HMCN2: variants seen among roughly 807,000 people sequenced by gnomAD.
HMCN2 encodes hemicentin 2, also known as hemicentin-2.
Under a neutral mutation model 377.5 loss-of-function variants are expected in HMCN2, and 325 were observed. The ratio of observed to expected loss-of-function variants is 0.86; its 90% CI spans 0.79 to 0.94. HMCN2 has a LOEUF of 0.94. Among genes scored for constraint, HMCN2 ranks in the 40% least tolerant of loss-of-function variants. The probability of loss-of-function intolerance (pLI) is 0.00; values close to 1 mark genes in which losing one functional copy is unlikely to be tolerated. For missense variants in HMCN2, 4,543 were observed against 4,725.3 expected, an observed-to-expected ratio of 0.96 and a Z score of 1.13; for synonymous variants, 2,007 against 2,046.8, an observed-to-expected ratio of 0.98 and a Z score of 0.53.
In HMCN2 at chr9:130,394,543, G is replaced by A. The variant is rs556628245; in HGVS notation, c.10660G>A (p.Ala3554Thr). The change falls in exon 69 of 98, where the codon GCC (alanine) becomes ACC (threonine). Residue 3554 changes from alanine (A) to threonine (T), a missense_variant. Transcript: ENST00000683500. This position sits in a 1 kb window ranked among gnomAD's most constrained non-coding sequence, Gnocchi z 5.1. ...ALTRLENNSR[A>T]TRVLRVENVQ... ...GACCAGGCTGGAGAACAACAGCAGA[G>A]CCACACGGGTGCTCCGGGTGGAGAA... The A allele has an allele frequency of 2.3e-6, 3 of 1,289,368 alleles. No homozygotes were observed. The highest frequency in any genetic ancestry group is 1.1e-4 in the East Asian group (2 of 18,012). The allele number at this position is 1,289,368 out of a possible 1,614,324, so 79.9% of individuals were successfully genotyped here.
At chr9:130,403,646 A>G (rs1195243571) in intron 79 of HMCN2, 95 bp from the exon 80 acceptor site, 2 of 1,189,248 alleles carry the variant, frequency 1.7e-6, no homozygotes, top group African/African-American at 3.2e-5. Flanking sequence ...CCAGCAAGTC[A>G]TTTGCTGCCT....
At position 130,358,498 on chromosome 9, in the gene HMCN2, G is replaced by C; in HGVS notation, c.5677+12G>C. ...GCTGAAAGTTTTGGGTGAGGACGTG[G>C]GTAACCAGCAGGGCCCAGGCCAGCA... On this transcript the variant is annotated intron_variant, in intron 36 of 97. Transcript: ENST00000683500. 1 of 1,304,386 alleles carries C rather than the reference G, an allele frequency of 7.7e-7. No individual in the cohort carries two copies. The highest frequency in any genetic ancestry group is 1.0e-6 in the Non-Finnish European group (1 of 988,976). The allele number at this position is 1,304,386 out of a possible 1,614,324, so 80.8% of individuals were successfully genotyped here.
Position 130,422,964 on chromosome 9 carries a change from A to G in HMCN2, c.13381+238A>G, listed in dbSNP as rs1199272202. Reference sequence around the variant, plus strand: ...CCAAAAACAAAGGAACTGCATTTACAGTCAGACCAAGAGTGTGTGAAACGG... The same window carrying G: ...CCAAAAACAAAGGAACTGCATTTACGGTCAGACCAAGAGTGTGTGAAACGG... On this transcript the variant is annotated intron_variant, in intron 87 of 97. Transcript: ENST00000683500. The surrounding 1 kb of genome is among the most constrained non-coding windows in gnomAD (Gnocchi z 4.2). 6.6e-6 allele frequency among the ~76,000 whole-genome samples: 1 copy of G among 152,214 alleles called. No homozygotes were observed. The highest frequency in any genetic ancestry group is 1.5e-5 in the Non-Finnish European group (1 of 68,038).
chr9:130,407,866 C>T (rs1193536030), intron 83 of HMCN2, among the ~76,000 whole-genome samples, 161 bp downstream of exon 83: 1 of 152,190 alleles, frequency 6.6e-6, no homozygotes, highest in Non-Finnish European at 1.5e-5. Context: ...TTCTGAAGTC[C>T]AAGTTCTACT....
intron 47 of HMCN2, among the ~76,000 whole-genome samples, chr9:130,372,725 C>G (rs1485021353): frequency 1.3e-5 from 2 of 152,220 alleles, no homozygotes; most frequent in South Asian, 2.1e-4. Context: ...GACAAGAAAC[C>G]TCTGTTCTCA....
rs1387018061 is a variant in HMCN2, at chr9:130,360,701, C to T, written c.5950+97C>T. 1 of 598,504 alleles carries T rather than the reference C, an allele frequency of 1.7e-6. No individual in the cohort carries two copies. The highest frequency in any genetic ancestry group is 2.5e-6 in the Non-Finnish European group (1 of 396,242). The allele number at this position is 598,504 out of a possible 1,614,324, so 37.1% of individuals were successfully genotyped here. On this transcript the variant is annotated intron_variant, in intron 38 of 97. Transcript: ENST00000683500. This position sits in a 1 kb window ranked among gnomAD's most constrained non-coding sequence, Gnocchi z 4.7. ...TCCATCCACCTGTCCACTCATCCATCCATCTACCACCCCATCCATCCGTTA... is the reference window on the plus strand; with the variant it reads ...TCCATCCACCTGTCCACTCATCCATTCATCTACCACCCCATCCATCCGTTA...
intron 22 of HMCN2, among the ~76,000 whole-genome samples, chr9:130,327,708 G>A (rs944218871): frequency 0.1 from 15,854 of 152,218 alleles, 914 homozygotes; most frequent in Middle Eastern, 0.15. Flanking sequence ...TAACATGCAC[G>A]GGGCATTGCC....
rs1342814504 is a variant in HMCN2, at chr9:130,308,541, C to T, written c.2200+975C>T. Among the ~76,000 whole-genome samples the T allele has an allele frequency of 6.6e-6, 1 of 152,134 alleles. No individual in the cohort carries two copies. Among genetic ancestry groups the T allele is most frequent in the African/African-American group, 2.4e-5 (1 of 41,424 alleles). The stretch of plus-strand genomic sequence containing the variant: ...TACTGTCCCCTCCCATTCCTTGCAG[C>T]AGCTGCCTGGGACCTCATCAGAGCC... On this transcript the variant is annotated intron_variant, in intron 14 of 97. Coordinates refer to ENST00000683500, the MANE Select transcript of HMCN2 (RefSeq NM_001291815.2). The surrounding 1 kb of genome is among the most constrained non-coding windows in gnomAD (Gnocchi z 4.1).
chr9:130,355,116 C>A, intron 32 of HMCN2, 72 bp downstream of exon 32: 1 of 1,163,812 alleles, frequency 8.6e-7, no homozygotes. Flanking sequence ...CGTGCTTGTC[C>A]CGAGAGAGCT....
In HMCN2 at chr9:130,394,098, G is replaced by A; in HGVS notation, c.10501+90G>A. 8.8e-7 allele frequency: 1 copy of A among 1,132,128 alleles called. No individual in the cohort carries two copies. Among genetic ancestry groups the A allele is most frequent in the Non-Finnish European group, 1.1e-6 (1 of 891,546 alleles). The allele number at this position is 1,132,128 out of a possible 1,614,324, so 70.1% of individuals were successfully genotyped here. A position where few individuals can be genotyped will look rare whatever the true frequency, so the allele number is the denominator to read the frequency against. ...ATGGGAAGGACAGTGAGGGAGGTGA[G>A]TCCCCTGGAGACCTGGGACTGCCAC... On this transcript the variant is annotated intron_variant, in intron 68 of 97. Coordinates refer to ENST00000683500, the MANE Select transcript of HMCN2 (RefSeq NM_001291815.2). The surrounding 1 kb of genome is among the most constrained non-coding windows in gnomAD (Gnocchi z 5.1).
intron 71 of HMCN2, 36 bp from the exon 72 acceptor site, chr9:130,395,888 T>C: frequency 7.9e-7 from 1 of 1,269,144 alleles, no homozygotes; most frequent in South Asian, 1.3e-5. Flanking sequence ...AGCTGGGCAC[T>C]GATAAGGGTC....
chr9:130,297,512 A>G (rs1836236541), intron 7 of HMCN2, among the ~76,000 whole-genome samples: 1 of 152,234 alleles, frequency 6.6e-6, no homozygotes, highest in Non-Finnish European at 1.5e-5. Context: ...GGGAAAATAT[A>G]GTCCCTGCCA....
At chr9:130,384,576 G>A (rs1841913354) in intron 58 of HMCN2, 42 bp downstream of exon 58, 2 of 1,303,692 alleles carry the variant, frequency 1.5e-6, no homozygotes, top group South Asian at 1.2e-5. Flanking sequence ...AAGGTTACAT[G>A]GGGAGAGAGT....
rs1462540372 is a variant in HMCN2, at chr9:130,373,058, G to A, written c.7372G>A (p.Glu2458Lys). The change falls in exon 48 of 98, where the codon GAG (glutamate) becomes AAG (lysine). Residue 2458 changes from glutamate (E) to lysine (K), a missense_variant. Glu to Lys is a moderately conservative substitution (Grantham distance 56, BLOSUM62 1). Transcript: ENST00000683500. The part of the protein sequence containing the change: ...EVLVPPSIEN[E>K]DLEEVIKVLD... ...CCCAGTTCCTCCCAGTATTGAGAAC[G>A]AGGACTTGGAGGAGGTGATCAAGGT... 2 of 957,132 alleles carry A rather than the reference G, an allele frequency of 2.1e-6. No individual in the cohort carries two copies. The highest frequency in any genetic ancestry group is 1.3e-4 in the East Asian group (1 of 7,450). The allele number at this position is 957,132 out of a possible 1,614,324, so 59.3% of individuals were successfully genotyped here.
chr9:130,403,470 C>G, intron 79 of HMCN2, 142 bp downstream of exon 79: 1 of 968,776 alleles, frequency 1.0e-6, no homozygotes, highest in East Asian at 6.2e-5. Context: ...CAGATACGCC[C>G]CCACCCTTGC....
intron 19 of HMCN2, among the ~76,000 whole-genome samples, chr9:130,325,139 A>C (rs1838067751): frequency 1.5e-5 from 2 of 134,536 alleles, no homozygotes; most frequent in South Asian, 4.6e-4. Context: ...TATGTCTCCC[A>C]GGCTGAAGTA....
In HMCN2 at chr9:130,425,030, A is replaced by G. The variant is rs532851527; in HGVS notation, c.13541A>G (p.Gln4514Arg). The change falls in exon 89 of 98, where the codon CAG (glutamine) becomes CGG (arginine). Residue 4514 changes from glutamine to arginine, a missense_variant. Gln to Arg is a conservative substitution (Grantham distance 43). Around this residue, in one of 5 missense-constraint regions of HMCN2, gnomAD observed 1,155 missense variants for 1,157.7 expected, o/e 1.00. Coordinates refer to ENST00000683500, the MANE Select transcript of HMCN2 (RefSeq NM_001291815.2). ...FATGELLTMT[Q>R]VARGLDPDGL... ...GCAGGGGAGCTGCTCACGATGACCC[A>G]GGTGGCCCGGGGTCTGGATCCCGAT... 4.8e-4 allele frequency: 743 copies of G among 1,549,048 alleles called. No individual in the cohort carries two copies. The highest frequency in any genetic ancestry group is 6.0e-4 in the Non-Finnish European group (688 of 1,146,122).
rs757155748 is a variant in HMCN2, at chr9:130,405,049, A to G, written c.12329A>G (p.Lys4110Arg). 56 of 1,285,414 alleles carry G rather than the reference A, an allele frequency of 4.4e-5. No individual in the cohort carries two copies. Among genetic ancestry groups the G allele is most frequent in the Non-Finnish European group, 5.5e-5 (54 of 987,108 alleles). The allele number at this position is 1,285,414 out of a possible 1,614,324, so 79.6% of individuals were successfully genotyped here. A position where few individuals can be genotyped will look rare whatever the true frequency, so the allele number is the denominator to read the frequency against. ...TIQPSGELLV[K>R]NLEGQDAGTY... ...CAGCCTTCTGGGGAGTTGCTGGTGA[A>G]GAACTTGGAGGTGAGGCACTGCCCC... The change falls in exon 81 of 98, where the codon AAG becomes AGG. Residue 4110 changes from lysine (K) to arginine (R), a missense_variant. Lys to Arg is a conservative substitution (Grantham distance 26). This residue lies in a region of HMCN2 where 1,073 missense variants were observed against 1,319.5 expected (regional missense o/e 0.81). Coordinates refer to ENST00000683500, the MANE Select transcript of HMCN2 (RefSeq NM_001291815.2).
At chr9:130,285,674 A>G (rs1160024052) in intron 3 of HMCN2, among the ~76,000 whole-genome samples, 1 of 151,822 alleles carries the variant, frequency 6.6e-6, no homozygotes, top group Admixed American at 6.6e-5. Context: ...CCCCTTTGCC[A>G]TTGTCTCAGG....
Sources: allele counts gnomAD v4.1 joint callset (sites outside exome capture counted in the v4.1 genomes callset), GRCh38; gene constraint gnomAD v4.1.1; regional missense constraint gnomAD v4.1.1; non-coding constraint Gnocchi (gnomAD v3.1); transcripts MANE v1.5; gene names NCBI Gene and HGNC (gene_info 2026-07-23, HGNC 2026-07-21).